Variants in SCRG1 observed in about 807,000 individuals in gnomAD.
SCRG1 encodes the protein stimulator of chondrogenesis 1.
SCRG1 carries 3 observed loss-of-function variants against 7.7 expected under a neutral mutation model. That is an observed-to-expected ratio of 0.39 (90% CI 0.18 to 1.01). The LOEUF (loss-of-function observed/expected upper bound fraction) is 1.01, where lower values mean the gene tolerates loss of function less well. Ranked by LOEUF, SCRG1 falls within the 50% of genes least tolerant of loss-of-function variation. SCRG1 has a pLI of 0.36. For missense variants in SCRG1, 110 were observed against 117.2 expected (o/e 0.94, Z 0.28); for synonymous variants, 46 against 41.2 (o/e 1.12, Z -0.44).
At chr4:173,484,094 C>CATATATAATATATAATATATA in the SCRG1 span, among the ~76,000 whole-genome samples, 7 of 42,790 alleles carry the variant, frequency 1.6e-4, no homozygotes, top group Non-Finnish European at 2.5e-4. Context: ...TATAATATAC[C>CATATATAATATATAATATATA]ATATATAATA....
the SCRG1 span, among the ~76,000 whole-genome samples, chr4:173,416,559 A>G: frequency 6.6e-6 from 1 of 152,246 alleles, no homozygotes; most frequent in African/African-American, 2.4e-5. Flanking sequence ...TGCAGGCTGC[A>G]GGGAGCTATG....
At chr4:173,514,853 C>A in the SCRG1 span, among the ~76,000 whole-genome samples, 1 of 152,116 alleles carries the variant, frequency 6.6e-6, no homozygotes, top group African/African-American at 2.4e-5. Context: ...GTTCAAATTG[C>A]AAAATAAGAG....
At chr4:173,483,212 CAT>C in the SCRG1 span, among the ~76,000 whole-genome samples, 40 of 14,672 alleles carry the variant, frequency 2.7e-3, no homozygotes, top group African/African-American at 6.6e-3. Flanking sequence ...TATGATATAT[CAT>C]ATAATATATA....
chr4:173,482,013 T>C, the SCRG1 span, among the ~76,000 whole-genome samples: 1 of 152,252 alleles, frequency 6.6e-6, no homozygotes, highest in Admixed American at 6.5e-5. Flanking sequence ...GTGTAGAGTA[T>C]ATGGATTAAA....
chr4:173,495,945 C>A, the SCRG1 span, among the ~76,000 whole-genome samples: 1 of 152,150 alleles, frequency 6.6e-6, no homozygotes, highest in East Asian at 1.9e-4. Context: ...AGAGTAGATG[C>A]CCAGGCTGAA....
the SCRG1 span, among the ~76,000 whole-genome samples, chr4:173,519,094 G>C: frequency 1.3e-5 from 2 of 151,918 alleles, no homozygotes; most frequent in Admixed American, 6.6e-5. Context: ...TAGCCCTGCG[G>C]GTCGAAGATG....
chr4:173,448,447 C>T, the SCRG1 span, among the ~76,000 whole-genome samples: 2 of 152,176 alleles, frequency 1.3e-5, no homozygotes, highest in African/African-American at 4.8e-5. Flanking sequence ...AGAAGGATTG[C>T]TTTTCAGTTT....
the SCRG1 span, among the ~76,000 whole-genome samples, chr4:173,482,354 T>A: frequency 4.6e-5 from 7 of 152,152 alleles, no homozygotes; most frequent in African/African-American, 1.7e-4. Flanking sequence ...TCCCCTGAAA[T>A]TAACATATGT....
At chr4:173,480,816 G>T in the SCRG1 span, among the ~76,000 whole-genome samples, 2 of 151,684 alleles carry the variant, frequency 1.3e-5, no homozygotes, top group Non-Finnish European at 1.5e-5. Context: ...TTTTAAAATG[G>T]TCTAGCAACC....
the SCRG1 span, among the ~76,000 whole-genome samples, chr4:173,413,918 C>G: frequency 6.6e-6 from 1 of 152,216 alleles, no homozygotes; most frequent in East Asian, 1.9e-4. Context: ...TGCTTTTGCT[C>G]TGAATCCTTG....
At chr4:173,480,004 C>T in the SCRG1 span, among the ~76,000 whole-genome samples, 4 of 152,042 alleles carry the variant, frequency 2.6e-5, no homozygotes, top group African/African-American at 9.7e-5. Context: ...GCCTCTCGGT[C>T]TGTCACCCAG....
At chr4:173,409,010 A>AAAAG (rs1553965309), upstream of SCRG1, among the ~76,000 whole-genome samples, 3 of 146,374 alleles carry the variant, frequency 2.0e-5, no homozygotes, top group East Asian at 2.1e-4. Flanking sequence ...AAAAAAAAAA[A>AAAAG]AAAAGAAAAG....
the SCRG1 span, among the ~76,000 whole-genome samples, chr4:173,507,031 G>C: frequency 1.3e-5 from 2 of 152,220 alleles, no homozygotes; most frequent in African/African-American, 4.8e-5. This position sits in a 1 kb window ranked among gnomAD's most constrained non-coding sequence, Gnocchi z 4.4. Flanking sequence ...CAGACATGCT[G>C]CGCTGCGGCG....
At chr4:173,471,803 G>A in the SCRG1 span, among the ~76,000 whole-genome samples, 1 of 152,198 alleles carries the variant, frequency 6.6e-6, no homozygotes, top group Non-Finnish European at 1.5e-5. Context: ...TCCGCCTCCT[G>A]GGTTCAAGCG....
At chr4:173,462,905 A>G in the SCRG1 span, among the ~76,000 whole-genome samples, 3 of 152,312 alleles carry the variant, frequency 2.0e-5, no homozygotes, top group Middle Eastern at 3.4e-3. Flanking sequence ...GGGTTATAAT[A>G]TAGTATTTTC....
chr4:173,419,941 C>T, the SCRG1 span: 2 of 741,222 alleles, frequency 2.7e-6, no homozygotes, highest in South Asian at 2.8e-5. Flanking sequence ...CTATCATAGC[C>T]CCCTCTATAC....
the SCRG1 span, among the ~76,000 whole-genome samples, chr4:173,425,062 GGAA>G: frequency 6.6e-6 from 1 of 152,066 alleles, no homozygotes; most frequent in Non-Finnish European, 1.5e-5. Flanking sequence ...CCAATCATTG[GGAA>G]GAAGATTACA....
chr4:173,391,818 C>A (rs1379380216), intron 1 of SCRG1, among the ~76,000 whole-genome samples: 4 of 152,184 alleles, frequency 2.6e-5, no homozygotes, highest in African/African-American at 9.7e-5. Flanking sequence ...GTCCCAGCTA[C>A]TCAGGACCAC....
At chr4:173,468,069 A>G in the SCRG1 span, 1 of 152,642 alleles carries the variant, frequency 6.6e-6, no homozygotes, top group East Asian at 1.9e-4. Flanking sequence ...CTGAATGTTC[A>G]CTATATACGA....
Sources: allele counts gnomAD v4.1 joint callset (sites outside exome capture counted in the v4.1 genomes callset), GRCh38; gene constraint gnomAD v4.1.1; non-coding constraint Gnocchi (gnomAD v3.1); transcripts MANE v1.5; gene names NCBI Gene and HGNC (gene_info 2026-07-23, HGNC 2026-07-21).